SMAD1: variants seen among roughly 807,000 people sequenced by gnomAD.
SMAD1 encodes the protein MAD, mothers against decapentaplegic homolog 1.
In SMAD1, 6 loss-of-function variants were observed where a neutral mutation model predicts 41.6. The observed-to-expected ratio is 0.14, with a 90% CI of 0.08 to 0.28. The LOEUF is 0.28. SMAD1 is among the 10% of genes least tolerant of loss of function. The pLI, the probability that SMAD1 is intolerant of heterozygous loss-of-function variation, is 1.00. For synonymous variants in SMAD1, 206 were observed against 203.2 expected, an observed-to-expected ratio of 1.01 and a Z score of -0.12; for missense variants, 379 against 582.6, an observed-to-expected ratio of 0.65 and a Z score of 3.60.
intron 1 of SMAD1, among the ~76,000 whole-genome samples, chr4:145,496,431 A>G (rs1195021910): frequency 6.6e-6 from 1 of 152,178 alleles, no homozygotes; most frequent in Non-Finnish European, 1.5e-5. Flanking sequence ...AGTGCTCAAA[A>G]CAGTGCGTGG....
intron 2 of SMAD1, among the ~76,000 whole-genome samples, chr4:145,533,325 T>C (rs2126489989): frequency 6.6e-6 from 1 of 152,360 alleles, no homozygotes; most frequent in South Asian, 2.1e-4. Flanking sequence ...CTATTACTAA[T>C]TACATTGGAC....
chr4:145,496,326 TA>T (rs1220844631), intron 1 of SMAD1, among the ~76,000 whole-genome samples: 1 of 152,156 alleles, frequency 6.6e-6, no homozygotes, highest in Non-Finnish European at 1.5e-5. Context: ...GCAGGTTCCT[TA>T]ACTTTTTTTG....
intron 1 of SMAD1, among the ~76,000 whole-genome samples, chr4:145,512,742 T>G (rs1302902430): frequency 1.3e-5 from 2 of 152,224 alleles, no homozygotes; most frequent in African/African-American, 4.8e-5. Flanking sequence ...TTTGATCATT[T>G]GGTCCTGTTT....
chr4:145,511,192 A>G (rs1730055885), intron 1 of SMAD1, among the ~76,000 whole-genome samples: 1 of 152,184 alleles, frequency 6.6e-6, no homozygotes, highest in East Asian at 1.9e-4. Context: ...AATTGCTTAT[A>G]CTTTGGGATT....
chr4:145,501,721 C>CT (rs34504494), intron 1 of SMAD1, among the ~76,000 whole-genome samples: 49 of 145,416 alleles, frequency 3.4e-4, no homozygotes, highest in African/African-American at 8.4e-4. Context: ...TTTGGATTAC[C>CT]TTTTTTTTTT....
intron 1 of SMAD1, among the ~76,000 whole-genome samples, chr4:145,495,301 G>A (rs1379309414): frequency 6.6e-6 from 1 of 152,160 alleles, no homozygotes; most frequent in Non-Finnish European, 1.5e-5. Flanking sequence ...CCAGCACACA[G>A]TTTGTGTGCT....
intron 2 of SMAD1, among the ~76,000 whole-genome samples, chr4:145,519,755 T>C (rs1272132062): frequency 6.6e-6 from 1 of 152,168 alleles, no homozygotes; most frequent in Non-Finnish European, 1.5e-5. Context: ...TTACTACTTC[T>C]AGCTTAAGGT....
At position 145,539,840 on chromosome 4, in the gene SMAD1, A is replaced by G. The variant is rs1364163583; in HGVS notation, c.437A>G (p.Tyr146Cys). The G allele has an allele frequency of 6.2e-7, 1 of 1,613,954 alleles. No homozygotes were observed. The highest frequency in any genetic ancestry group is 8.5e-7 in the Non-Finnish European group (1 of 1,179,994). ...PPVLVPRHSE[Y>C]NPQHSLLAQF... is the part of the protein sequence containing the mutation. ...GTGCTGGTTCCAAGACACAGCGAATATAATCCTCAGCACAGCCTCTTAGCT... is the reference window on the plus strand; with the variant it reads ...GTGCTGGTTCCAAGACACAGCGAATGTAATCCTCAGCACAGCCTCTTAGCT... Residue 146 changes from tyrosine to cysteine, a missense_variant, in exon 3 of 7, where the codon TAT becomes TGT. Tyr to Cys is a radical substitution (Grantham distance 194). This residue lies in a region of SMAD1 where 208 missense variants were observed against 210.5 expected (regional missense o/e 0.99). Coordinates refer to ENST00000302085, the MANE Select transcript of SMAD1 (RefSeq NM_005900.3).
At chr4:145,531,298 A>T (rs570624553) in intron 2 of SMAD1, among the ~76,000 whole-genome samples, 1 of 152,264 alleles carries the variant, frequency 6.6e-6, no homozygotes, top group East Asian at 1.9e-4. Flanking sequence ...GGCACTTCCT[A>T]CTTGAAGTGT....
Position 145,495,744 on chromosome 4 carries a change from C to A in SMAD1, c.-177+13706C>A, listed in dbSNP as rs558029014. ...GATCCTCCTGCCTCAGCCTCCCAAG[C>A]AGCTGGGACTACAGGCATGCACCAC... On this transcript the variant is annotated intron_variant, in intron 1 of 6. Transcript: ENST00000302085. Among the ~76,000 whole-genome samples, 279 of 146,214 alleles carry A rather than the reference C, an allele frequency of 1.9e-3. 1 individual carries two copies. The highest frequency in any genetic ancestry group is 2.8e-3 in the Non-Finnish European group (191 of 67,234).
At chr4:145,491,097 A>G (rs536042412) in intron 1 of SMAD1, among the ~76,000 whole-genome samples, 2 of 152,318 alleles carry the variant, frequency 1.3e-5, no homozygotes, top group South Asian at 4.1e-4. Flanking sequence ...GAAACTTTTT[A>G]TAGATTTGAT....
In SMAD1 at chr4:145,546,767, C is replaced by T. The variant is rs1473823248; in HGVS notation, c.840C>T (p.Asn280=). 1.2e-6 allele frequency: 2 copies of T among 1,614,128 alleles called. No individual in the cohort carries two copies. The highest frequency in any genetic ancestry group is 1.1e-5 in the South Asian group (1 of 91,086). Residue 280 remains asparagine, a synonymous_variant, in exon 5 of 7, where the codon AAC becomes AAT. Coordinates refer to ENST00000302085, the MANE Select transcript of SMAD1 (RefSeq NM_005900.3). Reference sequence around the variant, plus strand: ...GCTCTATTGTCTACTATGAGCTCAACAATCGTGTGGGTGAAGCGTTCCATG... The same window carrying T: ...GCTCTATTGTCTACTATGAGCTCAATAATCGTGTGGGTGAAGCGTTCCATG... ...HWCSIVYYEL[N]NRVGEAFHAS...
intron 2 of SMAD1, among the ~76,000 whole-genome samples, chr4:145,526,289 T>G (rs990097300): frequency 9.2e-5 from 14 of 152,222 alleles, no homozygotes; most frequent in African/African-American, 3.4e-4. Context: ...TTTTTGCCTT[T>G]GTTTCCCTGT....
chr4:145,489,668 TTGA>T (rs1728671902), intron 1 of SMAD1, among the ~76,000 whole-genome samples: 1 of 152,158 alleles, frequency 6.6e-6, no homozygotes, highest in Non-Finnish European at 1.5e-5. Context: ...TAAATTAGAC[TTGA>T]TGTGTTAAAT....
At chr4:145,528,430 G>A (rs1054779667) in intron 2 of SMAD1, among the ~76,000 whole-genome samples, 1 of 151,772 alleles carries the variant, frequency 6.6e-6, no homozygotes, top group African/African-American at 2.4e-5. Context: ...AGTAGAGACG[G>A]GGGGTTTCAC....
At chr4:145,520,852 AAC>A (rs1730707536) in intron 2 of SMAD1, among the ~76,000 whole-genome samples, 1 of 152,226 alleles carries the variant, frequency 6.6e-6, no homozygotes, top group Admixed American at 6.5e-5. Flanking sequence ...TTATAAATAA[AAC>A]AGTGTAAAAA....
chr4:145,500,096 T>G (rs1056721210), intron 1 of SMAD1, among the ~76,000 whole-genome samples: 21 of 152,224 alleles, frequency 1.4e-4, no homozygotes, highest in Non-Finnish European at 2.5e-4. Flanking sequence ...ATCTGACGAC[T>G]TCTGCCACGC....
At chr4:145,528,166 C>T (rs1366420009) in intron 2 of SMAD1, among the ~76,000 whole-genome samples, 1 of 151,502 alleles carries the variant, frequency 6.6e-6, no homozygotes. Flanking sequence ...TGCAGTGGCA[C>T]GATCTTGGCC....
chr4:145,484,081 A>G (rs1728342698), intron 1 of SMAD1, among the ~76,000 whole-genome samples: 1 of 152,208 alleles, frequency 6.6e-6, no homozygotes, highest in Admixed American at 6.5e-5. Flanking sequence ...TTCACTTTGT[A>G]ATTTTGATTT....
Sources: allele counts gnomAD v4.1 joint callset (sites outside exome capture counted in the v4.1 genomes callset), GRCh38; gene constraint gnomAD v4.1.1; regional missense constraint gnomAD v4.1.1; transcripts MANE v1.5; gene names NCBI Gene and HGNC (gene_info 2026-07-23, HGNC 2026-07-21).